The following NPEPPS variants were observed in gnomAD, a reference collection of about 807,000 sequenced individuals.
NPEPPS encodes aminopeptidase puromycin sensitive.
NPEPPS carries 14 observed loss-of-function variants against 115.5 expected under a neutral mutation model. That is an observed-to-expected ratio of 0.12 (90% CI 0.08 to 0.19). The LOEUF is 0.19. NPEPPS is among the 10% of genes least tolerant of loss of function. The pLI is 1.00. For missense variants in NPEPPS, 523 were observed against 1,110.8 expected (o/e 0.47, Z 7.52); for synonymous variants, 285 against 390.6 (o/e 0.73, Z 3.19).
intron 2 of NPEPPS, among the ~76,000 whole-genome samples, chr17:47,549,756 G>A (rs528766277): frequency 1.1e-4 from 16 of 143,344 alleles, no homozygotes; most frequent in Non-Finnish European, 2.1e-4. Flanking sequence ...ACTCCAGCCT[G>A]GGCGACAGAG....
chr17:47,566,018 G>A (rs1910789190), intron 2 of NPEPPS, among the ~76,000 whole-genome samples: 1 of 152,116 alleles, frequency 6.6e-6, no homozygotes, highest in Non-Finnish European at 1.5e-5. Context: ...TTTCGAGACA[G>A]GGTCTCACTC....
At chr17:47,588,075 C>A (rs1329560284) in intron 9 of NPEPPS, among the ~76,000 whole-genome samples, 2 of 151,996 alleles carry the variant, frequency 1.3e-5, no homozygotes, top group Non-Finnish European at 2.9e-5. Flanking sequence ...GATTCCCTGA[C>A]ATTTTAGGCT....
At chr17:47,558,089 G>T (rs1444028183) in intron 2 of NPEPPS, among the ~76,000 whole-genome samples, 4 of 151,742 alleles carry the variant, frequency 2.6e-5, no homozygotes, top group Non-Finnish European at 1.5e-5. Flanking sequence ...ACCACACGTG[G>T]CTCATTTTTG....
At chr17:47,619,637 C>G in intron 21 of NPEPPS, 100 bp from the exon 22 acceptor site, 1 of 940,144 alleles carries the variant, frequency 1.1e-6, no homozygotes, top group Non-Finnish European at 1.7e-6. Flanking sequence ...TTATAACAGA[C>G]TGAAGTTGGC....
chr17:47,610,129 T>C (rs1360123784), intron 17 of NPEPPS, among the ~76,000 whole-genome samples: 2 of 151,976 alleles, frequency 1.3e-5, no homozygotes, highest in Non-Finnish European at 1.5e-5. Context: ...ACCTCTATAT[T>C]TCCAGAAGAA....
chr17:47,610,365 A>G (rs903946218), intron 17 of NPEPPS, among the ~76,000 whole-genome samples: 30 of 151,612 alleles, frequency 2.0e-4, no homozygotes, highest in African/African-American at 6.8e-4. Flanking sequence ...ATGTTGTAGC[A>G]TGTATCAGTC....
rs1193039330 is a variant in NPEPPS at position 47,612,535 on chromosome 17, A to C, written c.2171A>C (p.Glu724Ala). The C allele has an allele frequency of 5.0e-6, 8 of 1,613,906 alleles. No individual in the cohort carries two copies. The highest frequency in any genetic ancestry group is 4.0e-5 in the African/African-American group (3 of 74,944). Reference protein sequence around the residue: ...GKAGHKATLEEARRRFKDHVE... With the variant: ...GKAGHKATLEAARRRFKDHVE... ...GCAGGACATAAGGCAACGTTAGAAG[A>C]AGCCCGTCGTCGGTTTAAGGACCAC... Residue 724 changes from glutamate (E) to alanine (A), a missense_variant, in exon 18 of 23, where the codon GAA becomes GCA. By Grantham distance (107) the Glu-to-Ala change is moderately radical. Transcript: ENST00000322157.
At chr17:47,590,352 C>T (rs1263347763) in intron 9 of NPEPPS, among the ~76,000 whole-genome samples, 2 of 151,966 alleles carry the variant, frequency 1.3e-5, no homozygotes, top group East Asian at 1.9e-4. Context: ...GGCAAAACCC[C>T]CTCTCTACTA....
In NPEPPS at chr17:47,623,076, T is replaced by C. The variant is rs1914692192; in HGVS notation, c.*1156T>C. ...TTTAAATCTAAATCTCATTCCCTTC[T>C]TCTTTCCCTACCTTTTTTTTCTTTT... On this transcript the variant is annotated 3_prime_UTR_variant, in exon 23 of 23. Transcript: ENST00000322157. The C allele has an allele frequency of 7.1e-6, 2 of 282,034 alleles. No individual in the cohort carries two copies. Among genetic ancestry groups the C allele is most frequent in the African/African-American group, 4.6e-5 (2 of 43,064 alleles). The allele number at this position is 282,034 out of a possible 1,614,324, so 17.5% of individuals were successfully genotyped here.
intron 6 of NPEPPS, 46 bp downstream of exon 6, chr17:47,585,746 G>A (rs1392753580): frequency 4.3e-6 from 6 of 1,401,612 alleles, no homozygotes; most frequent in Middle Eastern, 3.5e-4. Context: ...ATAACTCCAG[G>A]TTGGGGAATT....
chr17:47,565,086 T>C (rs1910713831), intron 2 of NPEPPS, among the ~76,000 whole-genome samples: 1 of 152,110 alleles, frequency 6.6e-6, no homozygotes, highest in South Asian at 2.1e-4. Context: ...AAATCAAGCA[T>C]CAACATTTCT....
At chr17:47,525,912 A>G (rs983255769) in intron 1 of NPEPPS, among the ~76,000 whole-genome samples, 4 of 152,156 alleles carry the variant, frequency 2.6e-5, no homozygotes, top group African/African-American at 9.7e-5. Context: ...TATAAAATAA[A>G]TTTAAACACA....
At chr17:47,541,522 G>A (rs1271910567) in intron 1 of NPEPPS, among the ~76,000 whole-genome samples, 1 of 151,896 alleles carries the variant, frequency 6.6e-6, no homozygotes, top group Non-Finnish European at 1.5e-5. Flanking sequence ...GATTACAGGC[G>A]CCTGCCACCA....
rs1239790304 is a variant in NPEPPS, at chr17:47,600,567, CTG to C, written c.1600+831_1600+832del. On this transcript the variant is annotated intron_variant, in intron 14 of 22. Transcript: ENST00000322157. The stretch of plus-strand genomic sequence containing the variant: ...AGTACTGACAGGTTTTTCTAATACT[CTG>C]TGACCAGTAGAGGTAACATTAAAAC... Among the ~76,000 whole-genome samples the C allele has an allele frequency of 2.0e-5, 3 of 152,224 alleles. No homozygotes were observed. The East Asian group carries it at 5.8e-4, about 29-fold the overall frequency.
At chr17:47,562,637 T>TAC (rs1491281853) in intron 2 of NPEPPS, among the ~76,000 whole-genome samples, 98 of 147,736 alleles carry the variant, frequency 6.6e-4, no homozygotes, top group African/African-American at 1.3e-3. Flanking sequence ...TGTGTGTATA[T>TAC]GTGTGTGTTT....
intron 5 of NPEPPS, among the ~76,000 whole-genome samples, chr17:47,584,332 C>T (rs1435483933): frequency 6.6e-6 from 1 of 152,038 alleles, no homozygotes; most frequent in African/African-American, 2.4e-5. Context: ...ATTTAGGTCT[C>T]TGGCTGTTTG....
At chr17:47,562,751 C>T (rs1221084091) in intron 2 of NPEPPS, among the ~76,000 whole-genome samples, 2 of 147,102 alleles carry the variant, frequency 1.4e-5, no homozygotes, top group African/African-American at 5.0e-5. Flanking sequence ...GAAATACCAA[C>T]TTTAGTTAAT....
chr17:47,622,635 G>A lies in NPEPPS; in HGVS notation c.*715G>A, dbSNP rs1914654023. 3.4e-6 allele frequency: 1 copy of A among 296,076 alleles called. No homozygotes were observed. The highest frequency in any genetic ancestry group is 5.5e-5 in the Admixed American group (1 of 18,278). 18.3% of individuals were successfully genotyped at this position (296,076 alleles called of 1,614,324 possible). ...GTTCCACCCCCAACCCCCATTCCCT[G>A]GTGTCCTTCTTAGAGATGAAGAAAT... On this transcript the variant is annotated 3_prime_UTR_variant, in exon 23 of 23. Coordinates refer to ENST00000322157, the MANE Select transcript of NPEPPS (RefSeq NM_006310.4).
In NPEPPS at chr17:47,548,854, C is replaced by T. The variant is rs562570239; in HGVS notation, c.340+2861C>T. Among the ~76,000 whole-genome samples, 296 of 151,734 alleles carry T rather than the reference C, an allele frequency of 2.0e-3. 2 individuals are homozygous for T. Among genetic ancestry groups the T allele is most frequent in the Non-Finnish European group, 1.1e-3 (78 of 67,922 alleles). Reference sequence around the variant, plus strand: ...CCTCCCAAAGTGTTGGGATTACAGGCGTGAGCCACTGCGCCCGACCTGACT... The same window carrying T: ...CCTCCCAAAGTGTTGGGATTACAGGTGTGAGCCACTGCGCCCGACCTGACT... On this transcript the variant is annotated intron_variant, in intron 2 of 22. Transcript: ENST00000322157.
Sources: allele counts gnomAD v4.1 joint callset (sites outside exome capture counted in the v4.1 genomes callset), GRCh38; gene constraint gnomAD v4.1.1; transcripts MANE v1.5; gene names NCBI Gene and HGNC (gene_info 2026-07-23, HGNC 2026-07-21).